Variants in GNAL observed in about 807,000 individuals in gnomAD.
GNAL encodes guanine nucleotide-binding protein G(olf) subunit alpha.
GNAL carries 18 observed loss-of-function variants against 55.1 expected under a neutral mutation model. The ratio of observed to expected loss-of-function variants is 0.33; its 90% confidence interval spans 0.23 to 0.48. GNAL has a LOEUF of 0.48. Ranked by LOEUF, GNAL falls within the 20% of genes least tolerant of loss-of-function variation. GNAL has a pLI of 0.99. For synonymous variants in GNAL, 253 were observed against 237.0 expected, an observed-to-expected ratio of 1.07 and a Z score of -0.62; for missense variants, 412 against 614.1, an observed-to-expected ratio of 0.67 and a Z score of 3.48.
In GNAL at chr18:11,753,788, A is replaced by C. The variant is rs374773009; in HGVS notation, c.505-38A>C. On this transcript the variant is annotated intron_variant, in intron 3 of 11. Transcript: ENST00000334049. ...TTGTAGATTATCATACATGGAGCCT[A>C]AATGTTTATCCATATTTTTTTTCTT... 233 of 1,554,620 alleles carry C rather than the reference A, an allele frequency of 1.5e-4. No homozygotes were observed. In the African/African-American group the frequency reaches 2.5e-3, roughly 17 times the overall value.
intron 1 of GNAL, among the ~76,000 whole-genome samples, chr18:11,692,639 C>G (rs2031285876): frequency 6.6e-6 from 1 of 151,974 alleles, no homozygotes; most frequent in Non-Finnish European, 1.5e-5. Context: ...AAAATAGAGA[C>G]ACAGCGGTGG....
chr18:11,829,294 G>T (rs1472310311), intron 5 of GNAL, among the ~76,000 whole-genome samples: 1 of 151,986 alleles, frequency 6.6e-6, no homozygotes, highest in Non-Finnish European at 1.5e-5. Flanking sequence ...CGTTTAGCTC[G>T]TTTCACCCAT....
Position 11,764,496 on chromosome 18 carries a change from A to G in GNAL, c.624+10551A>G, listed in dbSNP as rs1233038902. 2.0e-5 allele frequency among the ~76,000 whole-genome samples: 3 copies of G among 152,218 alleles called. No individual in the cohort carries two copies. In the East Asian group the frequency reaches 5.8e-4, roughly 29 times the overall value. On this transcript the variant is annotated intron_variant, in intron 4 of 11. Coordinates refer to ENST00000334049, the MANE Select transcript of GNAL (RefSeq NM_182978.4). Reference sequence around the variant, plus strand: ...AATATGTAAGGGAGAAAACTGCTCAATCTTTTGACTTTCTAAATACCATGA... The same window carrying G: ...AATATGTAAGGGAGAAAACTGCTCAGTCTTTTGACTTTCTAAATACCATGA...
At chr18:11,697,241 CAA>C (rs2031440147) in intron 1 of GNAL, among the ~76,000 whole-genome samples, 2 of 152,164 alleles carry the variant, frequency 1.3e-5, no homozygotes, top group African/African-American at 4.8e-5. Context: ...ACAGCCCAGT[CAA>C]GAGATGTGAG....
rs1023487158 is a variant in GNAL at position 11,883,512 on chromosome 18, A to G, written c.*2377A>G. On this transcript the variant is annotated 3_prime_UTR_variant, in exon 12 of 12. Coordinates refer to ENST00000334049, the MANE Select transcript of GNAL (RefSeq NM_182978.4). ...ATTATTAAAGCATTTATTTTCAGGT[A>G]CCAAAAGCCATATCCCATTCCACTT... The G allele has an allele frequency of 1.3e-5, 2 of 153,674 alleles. No individual in the cohort carries two copies. Among genetic ancestry groups the G allele is most frequent in the African/African-American group, 2.4e-5 (1 of 41,466 alleles). 9.5% of individuals were successfully genotyped at this position (153,674 alleles called of 1,614,324 possible).
At chr18:11,864,105 T>TTTTTTTTTA (rs2036208190) in intron 6 of GNAL, among the ~76,000 whole-genome samples, 4 of 147,204 alleles carry the variant, frequency 2.7e-5, no homozygotes, top group African/African-American at 1.0e-4. Context: ...TTTTTTTTTT[T>TTTTTTTTTA]GAGACGGAGT....
chr18:11,759,942 TCAGCATGAGTTCCTCCACGG>T (rs2033186447), intron 4 of GNAL, among the ~76,000 whole-genome samples: 1 of 151,970 alleles, frequency 6.6e-6, no homozygotes, highest in African/African-American at 2.4e-5. Flanking sequence ...GTAAATCAGG[TCAGCATGAGTTCCTCCACGG>T]CAGCCTCTAC....
At chr18:11,848,377 G>A (rs1345155743) in intron 5 of GNAL, among the ~76,000 whole-genome samples, 1 of 152,106 alleles carries the variant, frequency 6.6e-6, no homozygotes, top group African/African-American at 2.4e-5. Context: ...AGCACAGAAA[G>A]TAGAGGTGTC....
At chr18:11,718,389 T>C (rs1223388014) in intron 1 of GNAL, among the ~76,000 whole-genome samples, 5 of 152,208 alleles carry the variant, frequency 3.3e-5, no homozygotes, top group Non-Finnish European at 7.4e-5. Context: ...AAGTGTGCTA[T>C]ATAATCAATA....
chr18:11,705,422 T>G (rs911012970), intron 1 of GNAL, among the ~76,000 whole-genome samples: 3 of 152,178 alleles, frequency 2.0e-5, no homozygotes, highest in African/African-American at 7.2e-5. Flanking sequence ...AACGTAAGAG[T>G]GCAGCTATCT....
chr18:11,729,463 G>A (rs570934066), intron 1 of GNAL, among the ~76,000 whole-genome samples: 6 of 152,116 alleles, frequency 3.9e-5, no homozygotes, highest in African/African-American at 9.6e-5. Flanking sequence ...CAGATTTAAC[G>A]GTCGATTACA....
chr18:11,803,829 C>T (rs931702334), intron 4 of GNAL, among the ~76,000 whole-genome samples: 6 of 146,614 alleles, frequency 4.1e-5, no homozygotes, highest in Admixed American at 6.9e-5. Context: ...GGATGGAACA[C>T]GGAGATACTG....
At chr18:11,761,168 A>T (rs897844643) in intron 4 of GNAL, among the ~76,000 whole-genome samples, 1 of 152,020 alleles carries the variant, frequency 6.6e-6, no homozygotes, top group Non-Finnish European at 1.5e-5. Context: ...ATCCACGGGG[A>T]GTCAGTCGCA....
intron 5 of GNAL, among the ~76,000 whole-genome samples, chr18:11,835,006 A>G (rs955672595): frequency 3.9e-5 from 6 of 152,344 alleles, no homozygotes; most frequent in African/African-American, 1.4e-4. Context: ...TGCATTGTCT[A>G]CAAAAATGAC....
intron 4 of GNAL, among the ~76,000 whole-genome samples, chr18:11,822,699 G>A (rs1211552718): frequency 6.6e-6 from 1 of 152,178 alleles, no homozygotes; most frequent in Non-Finnish European, 1.5e-5. Context: ...GGTCAGCACC[G>A]TGTGGGCTCA....
intron 1 of GNAL, among the ~76,000 whole-genome samples, chr18:11,734,302 C>A (rs1192500357): frequency 6.6e-6 from 1 of 151,798 alleles, no homozygotes; most frequent in Non-Finnish European, 1.5e-5. Flanking sequence ...ACCACCACGC[C>A]CAGCTAATTT....
chr18:11,843,158 C>G (rs1339530724), intron 5 of GNAL, among the ~76,000 whole-genome samples: 1 of 151,470 alleles, frequency 6.6e-6, no homozygotes, highest in Non-Finnish European at 1.5e-5. Context: ...GATTGTGCCA[C>G]TGTACTGCAG....
intron 4 of GNAL, among the ~76,000 whole-genome samples, chr18:11,771,211 T>C (rs1230611452): frequency 7.0e-6 from 1 of 141,974 alleles, no homozygotes; most frequent in African/African-American, 2.8e-5. Flanking sequence ...AGAGTGAAAC[T>C]CTGTAAAAAA....
At chr18:11,774,163 C>T (rs1458159255) in intron 4 of GNAL, among the ~76,000 whole-genome samples, 2 of 152,204 alleles carry the variant, frequency 1.3e-5, no homozygotes, top group African/African-American at 4.8e-5. Flanking sequence ...GCTGCCTTTT[C>T]AGACGTTGCC....
Sources: gnomAD v4.1 joint callset for allele counts (sites outside exome capture counted in the v4.1 genomes callset) on GRCh38, gnomAD v4.1.1 for gene constraint, MANE v1.5 for transcripts, NCBI Gene and HGNC (gene_info 2026-07-23, HGNC 2026-07-21) for gene names.